MACROD2: variants seen among roughly 807,000 people sequenced by gnomAD.
The protein encoded by MACROD2 is ADP-ribose glycohydrolase MACROD2.
A neutral mutation model predicts 70.4 loss-of-function variants in MACROD2; 36 were observed. The ratio of observed to expected loss-of-function variants is 0.51; its 90% CI spans 0.39 to 0.68. The LOEUF is 0.68. MACROD2 is among the 30% of genes least tolerant of loss of function. MACROD2 has a pLI of 0.00. For missense variants in MACROD2, 496 were observed against 538.4 expected (o/e 0.92, Z 0.78); for synonymous variants, 172 against 178.8 (o/e 0.96, Z 0.30).
intron 5 of MACROD2, among the ~76,000 whole-genome samples, chr20:14,864,126 A>G (rs1322190567): frequency 6.6e-6 from 1 of 152,120 alleles, no homozygotes; most frequent in Non-Finnish European, 1.5e-5. Context: ...CAAAATTTAA[A>G]AAGTTTCCAT....
chr20:15,537,225 T>C (rs192401478), intron 8 of MACROD2, among the ~76,000 whole-genome samples: 1 of 152,160 alleles, frequency 6.6e-6, no homozygotes, highest in Non-Finnish European at 1.5e-5. Context: ...TTTTCTCTTA[T>C]CTGCCACCAA....
At chr20:15,722,312 G>C (rs1235520282) in intron 8 of MACROD2, among the ~76,000 whole-genome samples, 1 of 152,084 alleles carries the variant, frequency 6.6e-6, no homozygotes, top group Non-Finnish European at 1.5e-5. Flanking sequence ...ACGCCCAGCT[G>C]TTTCCCAAGG....
chr20:14,083,857 GA>G (rs2054034401), intron 2 of MACROD2, among the ~76,000 whole-genome samples: 1 of 151,758 alleles, frequency 6.6e-6, no homozygotes, highest in African/African-American at 2.4e-5. Flanking sequence ...GAGGCGGGCA[GA>G]TCTTGAGGTC....
chr20:15,092,994 G>C (rs2075803223), intron 5 of MACROD2, among the ~76,000 whole-genome samples: 1 of 152,052 alleles, frequency 6.6e-6, no homozygotes, highest in Admixed American at 6.6e-5. Context: ...ATTCTACAAA[G>C]TAAATACTTA....
At chr20:15,707,931 G>A (rs1312568605) in intron 8 of MACROD2, among the ~76,000 whole-genome samples, 1 of 151,194 alleles carries the variant, frequency 6.6e-6, no homozygotes, top group Non-Finnish European at 1.5e-5. Flanking sequence ...AGTGGTCACC[G>A]AGTTCTTCTC....
intron 3 of MACROD2, among the ~76,000 whole-genome samples, chr20:14,104,016 G>A (rs2054335218): frequency 6.6e-6 from 1 of 151,934 alleles, no homozygotes; most frequent in African/African-American, 2.4e-5. Context: ...ACACATACAT[G>A]TATATCTTAT....
chr20:14,409,059 C>G (rs1264585656), intron 3 of MACROD2, among the ~76,000 whole-genome samples: 1 of 151,858 alleles, frequency 6.6e-6, no homozygotes, highest in African/African-American at 2.4e-5. Context: ...AATTTTGAAC[C>G]TGTTTTTGTC....
At chr20:15,461,886 A>G (rs904625065) in intron 7 of MACROD2, among the ~76,000 whole-genome samples, 1 of 152,178 alleles carries the variant, frequency 6.6e-6, no homozygotes, top group Non-Finnish European at 1.5e-5. Context: ...AGCCTTTTCT[A>G]TGTAAAAACA....
intron 6 of MACROD2, among the ~76,000 whole-genome samples, chr20:15,306,310 G>T (rs929495884): frequency 1.3e-5 from 2 of 152,116 alleles, no homozygotes; most frequent in African/African-American, 4.8e-5. Context: ...TGAGAATCTG[G>T]ACTTAATATT....
intron 9 of MACROD2, 133 bp downstream of exon 9, chr20:15,862,959 A>G: frequency 1.5e-6 from 1 of 651,404 alleles, no homozygotes; most frequent in Non-Finnish European, 2.6e-6. Context: ...CATAGTTTCT[A>G]AGAACTGAAC....
At chr20:14,844,890 C>G (rs1727659288) in intron 5 of MACROD2, among the ~76,000 whole-genome samples, 1 of 152,060 alleles carries the variant, frequency 6.6e-6, no homozygotes. Flanking sequence ...AAACGTATCT[C>G]CCTTCTTCTT....
intron 15 of MACROD2, among the ~76,000 whole-genome samples, chr20:16,013,931 T>C (rs1183587178): frequency 3.9e-5 from 6 of 152,220 alleles, no homozygotes; most frequent in Non-Finnish European, 7.4e-5. Context: ...CTGTATTGAA[T>C]AGAGGAACTG....
chr20:15,029,829 T>G (rs1600972916), intron 5 of MACROD2, among the ~76,000 whole-genome samples: 1 of 152,030 alleles, frequency 6.6e-6, no homozygotes, highest in African/African-American at 2.4e-5. Context: ...GCTTATTGAG[T>G]GATTACATAA....
intron 5 of MACROD2, among the ~76,000 whole-genome samples, chr20:14,688,309 T>C (rs925443353): frequency 6.6e-6 from 1 of 152,216 alleles, no homozygotes; most frequent in African/African-American, 2.4e-5. Context: ...ACAAACTTCA[T>C]AGTTTTGAAC....
intron 5 of MACROD2, among the ~76,000 whole-genome samples, chr20:14,976,895 A>G (rs902453883): frequency 6.6e-6 from 1 of 152,146 alleles, no homozygotes; most frequent in Admixed American, 6.5e-5. Context: ...CTGAGTATTC[A>G]GTCAGTACAG....
At chr20:14,447,111 C>T (rs6079446) in intron 3 of MACROD2, among the ~76,000 whole-genome samples, 42,130 of 151,884 alleles carry the variant, frequency 0.28, 6,024 homozygotes, top group Admixed American at 0.32. Context: ...CTCCACCTCC[C>T]GAGTTCAAGT....
intron 15 of MACROD2, among the ~76,000 whole-genome samples, chr20:16,010,053 A>G (rs1013140467): frequency 3.9e-5 from 6 of 152,196 alleles, no homozygotes; most frequent in Non-Finnish European, 1.5e-5. Flanking sequence ...TTTTTCTCTT[A>G]CTGTACTTGA....
At chr20:15,311,881 C>T (rs981844179) in intron 6 of MACROD2, among the ~76,000 whole-genome samples, 1 of 152,036 alleles carries the variant, frequency 6.6e-6, no homozygotes, top group Non-Finnish European at 1.5e-5. Context: ...ACCTCAGCGT[C>T]ATGCAATATA....
intron 15 of MACROD2, among the ~76,000 whole-genome samples, chr20:16,007,697 G>C (rs2066807678): frequency 6.6e-6 from 1 of 152,058 alleles, no homozygotes; most frequent in Non-Finnish European, 1.5e-5. Flanking sequence ...AAATATACCT[G>C]ACCAGGGTCA....
Sources: allele counts gnomAD v4.1 joint callset (sites outside exome capture counted in the v4.1 genomes callset), GRCh38; gene constraint gnomAD v4.1.1; transcripts MANE v1.5; gene names NCBI Gene and HGNC (gene_info 2026-07-23, HGNC 2026-07-21).